The following PLEKHA2 variants were observed in gnomAD, a reference collection of about 807,000 sequenced individuals.
The protein encoded by PLEKHA2 is pleckstrin homology domain-containing family A member 2.
In PLEKHA2, 28 loss-of-function variants were observed where a neutral mutation model predicts 53.2. That is an observed-to-expected ratio of 0.53 (90% CI 0.39 to 0.72). The LOEUF is 0.72. Ranked by LOEUF, PLEKHA2 falls within the 30% of genes least tolerant of loss-of-function variation. PLEKHA2 has a pLI of 0.00. For synonymous variants in PLEKHA2, 193 were observed against 196.4 expected, an observed-to-expected ratio of 0.98 and a Z score of 0.14; for missense variants, 426 against 537.9, an observed-to-expected ratio of 0.79 and a Z score of 2.06.
intron 2 of PLEKHA2, among the ~76,000 whole-genome samples, chr8:38,927,850 C>T (rs1307651957): frequency 1.3e-5 from 2 of 151,906 alleles, no homozygotes; most frequent in East Asian, 1.9e-4. Flanking sequence ...GCCAGGACAT[C>T]GGGATGGATG....
At chr8:38,959,188 G>T (rs1017550704) in intron 10 of PLEKHA2, among the ~76,000 whole-genome samples, 4 of 152,142 alleles carry the variant, frequency 2.6e-5, no homozygotes, top group Non-Finnish European at 4.4e-5. Flanking sequence ...ACTGAAACGT[G>T]AACCATAAGC....
intron 3 of PLEKHA2, among the ~76,000 whole-genome samples, chr8:38,936,630 T>A (rs1834499629): frequency 1.3e-5 from 2 of 152,200 alleles, no homozygotes; most frequent in Admixed American, 6.5e-5. Context: ...CCCGTCCCAT[T>A]TGTACAGAAG....
chr8:38,923,680 T>G (rs576604944), intron 2 of PLEKHA2, among the ~76,000 whole-genome samples: 23 of 152,290 alleles, frequency 1.5e-4, no homozygotes, highest in Admixed American at 1.0e-3. Flanking sequence ...TCATAGAGTT[T>G]ACACTGTATT....
chr8:38,943,697 T>C (rs1834654132), intron 3 of PLEKHA2, 92 bp from the exon 4 acceptor site: 1 of 944,806 alleles, frequency 1.1e-6, no homozygotes, highest in Admixed American at 3.0e-5. Context: ...ATATGTTTAA[T>C]GTACTCTTTA....
rs781718570 is a variant in PLEKHA2 at position 38,969,817 on chromosome 8, G to A, written c.*34G>A. On this transcript the variant is annotated 3_prime_UTR_variant, in exon 12 of 12. Coordinates refer to ENST00000617275, the MANE Select transcript of PLEKHA2 (RefSeq NM_021623.2). ...AGTGCCATGGGAGGGAGGGAGGGAG[G>A]GAGGACTTGAGAGAAGGAGGCTGTG... 270 of 1,540,752 alleles carry A rather than the reference G, an allele frequency of 1.8e-4. 1 individual carries two copies. The highest frequency in any genetic ancestry group is 2.1e-4 in the Admixed American group (10 of 48,090).
chr8:38,928,045 G>T (rs1274209114), intron 2 of PLEKHA2, among the ~76,000 whole-genome samples: 1 of 151,986 alleles, frequency 6.6e-6, no homozygotes, highest in Non-Finnish European at 1.5e-5. Context: ...GACAGAGGCT[G>T]GGGAGGGGAG....
chr8:38,928,294 G>T (rs1299779610), intron 2 of PLEKHA2, among the ~76,000 whole-genome samples: 2 of 146,132 alleles, frequency 1.4e-5, no homozygotes, highest in Admixed American at 1.4e-4. Context: ...TGTCACCCAG[G>T]CTGGAGTGCA....
intron 10 of PLEKHA2, among the ~76,000 whole-genome samples, chr8:38,964,949 C>T (rs1835108737): frequency 7.2e-6 from 1 of 139,022 alleles, no homozygotes. Context: ...GGGCTTAAGC[C>T]ATCTTCCCAC....
intron 10 of PLEKHA2, among the ~76,000 whole-genome samples, chr8:38,959,000 C>T (rs558460430): frequency 2.6e-5 from 4 of 152,184 alleles, no homozygotes; most frequent in African/African-American, 9.6e-5. Context: ...AAGAACTTGA[C>T]AGCACAAAGA....
In PLEKHA2 at chr8:38,946,022, A is replaced by C. The variant is rs1431504620; in HGVS notation, c.248-102A>C. The stretch of plus-strand genomic sequence containing the variant: ...TTTCTTGTTCTGCTTTGTGGAGTTC[A>C]CTCATCTCACTCCCTCAAACACCTT... On this transcript the variant is annotated intron_variant, in intron 4 of 11. Coordinates refer to ENST00000617275, the MANE Select transcript of PLEKHA2 (RefSeq NM_021623.2). The C allele has an allele frequency of 1.0e-5, 9 of 864,936 alleles. 1 individual carries two copies. In the South Asian group the frequency reaches 1.4e-4, roughly 13 times the overall value. The allele number at this position is 864,936 out of a possible 1,614,324, so 53.6% of individuals were successfully genotyped here.
At chr8:38,968,743 G>A in intron 11 of PLEKHA2, 74 bp downstream of exon 11, 1 of 1,522,926 alleles carries the variant, frequency 6.6e-7, no homozygotes, top group South Asian at 1.1e-5. Context: ...GTTTTATTTG[G>A]TGATGTAGGC....
At chr8:38,942,359 C>T (rs148423678) in intron 3 of PLEKHA2, among the ~76,000 whole-genome samples, 56 of 152,212 alleles carry the variant, frequency 3.7e-4, no homozygotes, top group African/African-American at 1.2e-3. Flanking sequence ...GCTGTGATTG[C>T]GCCACTGCAC....
intron 5 of PLEKHA2, among the ~76,000 whole-genome samples, chr8:38,947,696 G>A (rs544912737): frequency 5.3e-5 from 8 of 152,274 alleles, no homozygotes; most frequent in African/African-American, 1.7e-4. Context: ...GCATGACACC[G>A]GAGCATAAGC....
intron 5 of PLEKHA2, among the ~76,000 whole-genome samples, chr8:38,948,558 C>A (rs1338760333): frequency 1.3e-5 from 2 of 152,082 alleles, no homozygotes; most frequent in Non-Finnish European, 2.9e-5. Flanking sequence ...ACGTCCTTGT[C>A]TATGTAAACT....
intron 2 of PLEKHA2, among the ~76,000 whole-genome samples, chr8:38,928,472 C>G (rs935986313): frequency 5.3e-5 from 8 of 152,064 alleles, no homozygotes; most frequent in Non-Finnish European, 1.0e-4. Flanking sequence ...TGGTCTTGAA[C>G]TCCTGACCTC....
At chr8:38,929,867 G>A (rs1834357991) in intron 2 of PLEKHA2, among the ~76,000 whole-genome samples, 1 of 151,384 alleles carries the variant, frequency 6.6e-6, no homozygotes. Context: ...GACATGCTGT[G>A]AGTTTATGGA....
intron 9 of PLEKHA2, among the ~76,000 whole-genome samples, chr8:38,953,973 G>A (rs1286941366): frequency 1.3e-5 from 2 of 152,126 alleles, no homozygotes; most frequent in Non-Finnish European, 2.9e-5. Context: ...ACCTGGCAAG[G>A]GATCTCCTAG....
In PLEKHA2 at chr8:38,915,340, G is replaced by A. The variant is rs188103374; in HGVS notation, c.-23-2567G>A. ...ATAAACAAGGACCACAGTTTGGATC[G>A]CTTAAACGGCAGAAGTTCATTTTCT... On this transcript the variant is annotated intron_variant, in intron 1 of 11. Transcript: ENST00000617275. 2.1e-3 allele frequency among the ~76,000 whole-genome samples: 327 copies of A among 152,340 alleles called. 1 individual carries two copies. Among genetic ancestry groups the A allele is most frequent in the Non-Finnish European group, 3.4e-3 (231 of 68,038 alleles).
At chr8:38,961,280 G>T (rs1056802474) in intron 10 of PLEKHA2, among the ~76,000 whole-genome samples, 1 of 152,182 alleles carries the variant, frequency 6.6e-6, no homozygotes, top group Non-Finnish European at 1.5e-5. Context: ...GCTCACGCCT[G>T]CAATCCTGGG....
Sources: allele counts gnomAD v4.1 joint callset (sites outside exome capture counted in the v4.1 genomes callset), GRCh38; gene constraint gnomAD v4.1.1; transcripts MANE v1.5; gene names NCBI Gene and HGNC (gene_info 2026-07-23, HGNC 2026-07-21).